The following CDH22 variants were observed in gnomAD, a reference collection of about 807,000 sequenced individuals.
CDH22 encodes cadherin 22.
A neutral mutation model predicts 58.4 loss-of-function variants in CDH22; 30 were observed. The ratio of observed to expected loss-of-function variants is 0.51; its 90% CI spans 0.38 to 0.70. CDH22 has a LOEUF of 0.70. CDH22 is among the 30% of genes least tolerant of loss of function. The pLI is 0.00. For missense variants in CDH22, 1,014 were observed against 1,233.9 expected, an observed-to-expected ratio of 0.82 and a Z score of 2.67; for synonymous variants, 513 against 558.2, an observed-to-expected ratio of 0.92 and a Z score of 1.14.
At chr20:46,204,313 G>C (rs1254992679) in intron 7 of CDH22, among the ~76,000 whole-genome samples, 1 of 148,340 alleles carries the variant, frequency 6.7e-6, no homozygotes, top group East Asian at 2.0e-4. Context: ...AGAATTGCAT[G>C]AACCCGGGAG....
chr20:46,223,781 CTT>C lies in CDH22; in HGVS notation c.670+3725_670+3726del, dbSNP rs1314419387. ...TTTTCTTTCTTTCTTTCTTTCCTCT[CTT>C]TCTTTTTCTTTCTTTCTTCTTCCTT... On this transcript the variant is annotated intron_variant, in intron 4 of 11. Transcript: ENST00000537909. 2.1e-5 allele frequency among the ~76,000 whole-genome samples: 3 copies of C among 145,722 alleles called. No homozygotes were observed. The Admixed American group carries it at 2.1e-4, about 10-fold the overall frequency.
intron 8 of CDH22, among the ~76,000 whole-genome samples, chr20:46,188,748 C>T (rs995082393): frequency 6.6e-6 from 1 of 152,206 alleles, no homozygotes; most frequent in African/African-American, 2.4e-5. Flanking sequence ...TCTAACCCCT[C>T]ACCAGCCCAG....
At chr20:46,307,752 G>A (rs931777516) in intron 1 of CDH22, among the ~76,000 whole-genome samples, 1 of 151,980 alleles carries the variant, frequency 6.6e-6, no homozygotes, top group Non-Finnish European at 1.5e-5. Flanking sequence ...ACACGCTCGC[G>A]CCGTGCGGTA....
chr20:46,237,727 C>T (rs2086263748), intron 3 of CDH22, among the ~76,000 whole-genome samples: 2 of 152,110 alleles, frequency 1.3e-5, no homozygotes, highest in Non-Finnish European at 2.9e-5. Context: ...TCTCCATAGG[C>T]CAGTGGTCAT....
At chr20:46,247,874 A>C (rs1047066347) in intron 2 of CDH22, among the ~76,000 whole-genome samples, 4 of 152,192 alleles carry the variant, frequency 2.6e-5, no homozygotes, top group African/African-American at 9.6e-5. Context: ...TGAGAGTAAG[A>C]GAGCAGGGCA....
At chr20:46,250,351 A>G (rs80325714) in intron 2 of CDH22, among the ~76,000 whole-genome samples, 2,048 of 152,336 alleles carry the variant, frequency 0.013, 23 homozygotes, top group Middle Eastern at 0.031. Context: ...CACATGCATA[A>G]TTAAAGTGTT....
At chr20:46,194,460 A>T (rs1825054988) in intron 8 of CDH22, among the ~76,000 whole-genome samples, 1 of 151,940 alleles carries the variant, frequency 6.6e-6, no homozygotes, top group Non-Finnish European at 1.5e-5. Flanking sequence ...TCATGGGGGA[A>T]CTCCCTTCCT....
chr20:46,186,503 G>T, intron 10 of CDH22, 85 bp downstream of exon 10: 1 of 954,588 alleles, frequency 1.0e-6, no homozygotes, highest in East Asian at 2.4e-5. Context: ...CCCTGTGGGC[G>T]CCTCCGTCCC....
chr20:46,255,332 G>A (rs2086401175), intron 1 of CDH22, among the ~76,000 whole-genome samples: 1 of 152,182 alleles, frequency 6.6e-6, no homozygotes, highest in Non-Finnish European at 1.5e-5. Context: ...CTTTACAGAG[G>A]GGGAAAGTAG....
intron 3 of CDH22, among the ~76,000 whole-genome samples, chr20:46,237,966 C>T (rs2086265607): frequency 6.6e-6 from 1 of 152,200 alleles, no homozygotes; most frequent in African/African-American, 2.4e-5. Flanking sequence ...ATTAGTCCTG[C>T]CACCTCTCAG....
rs920586313 is a variant in CDH22 at position 46,178,326 on chromosome 20, T to C, written c.1664-129A>G. The C allele has an allele frequency of 1.5e-5, 15 of 1,006,338 alleles. No homozygotes were observed. In the African/African-American group the frequency reaches 2.2e-4, roughly 15 times the overall value. 62.3% of individuals were successfully genotyped at this position (1,006,338 alleles called of 1,614,324 possible). On this transcript the variant is annotated intron_variant, in intron 10 of 11. Transcript: ENST00000537909. ...AAACTACAGCCTCCCAATGGACTCA[T>C]GGGTCTCTTCTCTGATCTCCCAAAA...
intron 8 of CDH22, among the ~76,000 whole-genome samples, chr20:46,187,904 T>C (rs1032422830): frequency 6.6e-6 from 1 of 152,174 alleles, no homozygotes; most frequent in Admixed American, 6.5e-5. Flanking sequence ...TTTCTAGACA[T>C]GGGTCGGGGC....
intron 11 of CDH22, among the ~76,000 whole-genome samples, chr20:46,177,381 T>C (rs903308474): frequency 6.6e-6 from 1 of 152,148 alleles, no homozygotes; most frequent in East Asian, 1.9e-4. Flanking sequence ...AGTGGCCTGG[T>C]ACCAGTGTAG....
At chr20:46,203,455 G>A (rs1016572632) in intron 7 of CDH22, among the ~76,000 whole-genome samples, 2 of 152,194 alleles carry the variant, frequency 1.3e-5, no homozygotes, top group African/African-American at 4.8e-5. Flanking sequence ...TGGTGTTCCT[G>A]TGTGTGTGAG....
chr20:46,265,312 T>C (rs1393142491), intron 1 of CDH22, among the ~76,000 whole-genome samples: 1 of 152,192 alleles, frequency 6.6e-6, no homozygotes, highest in Non-Finnish European at 1.5e-5. Flanking sequence ...TTTTCCCCTC[T>C]TCCTCCTCCT....
At chr20:46,288,971 A>T (rs2145774785) in intron 1 of CDH22, among the ~76,000 whole-genome samples, 1 of 152,254 alleles carries the variant, frequency 6.6e-6, no homozygotes, top group South Asian at 2.1e-4. Flanking sequence ...TTCTCTCAAA[A>T]TTCTTTTGGC....
intron 1 of CDH22, among the ~76,000 whole-genome samples, chr20:46,304,857 G>T (rs1183258403): frequency 1.3e-5 from 2 of 152,220 alleles, no homozygotes; most frequent in Non-Finnish European, 2.9e-5. Context: ...CAGCCCCATA[G>T]GCCCATGGCT....
intron 11 of CDH22, among the ~76,000 whole-genome samples, chr20:46,176,339 G>A (rs1231549165): frequency 2.0e-5 from 3 of 152,080 alleles, no homozygotes; most frequent in African/African-American, 4.8e-5. Flanking sequence ...TTGACCAAGC[G>A]AATCTCAAAC....
At chr20:46,235,201 G>A (rs185764607) in intron 3 of CDH22, among the ~76,000 whole-genome samples, 1 of 152,334 alleles carries the variant, frequency 6.6e-6, no homozygotes, top group African/African-American at 2.4e-5. Flanking sequence ...ATAGTGCCAG[G>A]CATAGTGTCT....
Sources: allele counts gnomAD v4.1 joint callset (sites outside exome capture counted in the v4.1 genomes callset), GRCh38; gene constraint gnomAD v4.1.1; transcripts MANE v1.5; gene names NCBI Gene and HGNC (gene_info 2026-07-23, HGNC 2026-07-21).